The following GRM3 variants were observed in gnomAD, a reference collection of about 807,000 sequenced individuals.
The protein encoded by GRM3 is glutamate metabotropic receptor 3.
In GRM3, 26 loss-of-function variants were observed where a neutral mutation model predicts 70.5. The ratio of observed to expected loss-of-function variants is 0.37; its 90% CI spans 0.27 to 0.51. The LOEUF (loss-of-function observed/expected upper bound fraction) is 0.51, where lower values mean the gene tolerates loss of function less well. Ranked by LOEUF, GRM3 falls within the 20% of genes least tolerant of loss-of-function variation. The pLI is 0.93. For synonymous variants in GRM3, 443 were observed against 434.9 expected, an observed-to-expected ratio of 1.02 and a Z score of -0.23; for missense variants, 859 against 1,123.8, an observed-to-expected ratio of 0.76 and a Z score of 3.37.
chr7:86,689,999 G>C (rs1260936147), intron 1 of GRM3, among the ~76,000 whole-genome samples: 2 of 152,054 alleles, frequency 1.3e-5, no homozygotes, highest in African/African-American at 2.4e-5. Context: ...TGAGCAAAAG[G>C]CTGGAAATAA....
At chr7:86,805,939 C>T (rs573823021) in intron 3 of GRM3, among the ~76,000 whole-genome samples, 1 of 150,914 alleles carries the variant, frequency 6.6e-6, no homozygotes, top group East Asian at 2.0e-4. Context: ...TGATGTTCCC[C>T]ACCCTGTGTC....
chr7:86,803,085 G>C (rs946751577), intron 3 of GRM3, among the ~76,000 whole-genome samples: 4 of 150,334 alleles, frequency 2.7e-5, no homozygotes, highest in African/African-American at 1.0e-4. Context: ...CTTCAACCAT[G>C]ATTTCTCAAT....
intron 4 of GRM3, among the ~76,000 whole-genome samples, chr7:86,845,810 A>G (rs1426144301): frequency 1.3e-5 from 2 of 152,162 alleles, no homozygotes; most frequent in Admixed American, 1.3e-4. Flanking sequence ...TTGTGCACCT[A>G]AAAGACTAAA....
intron 4 of GRM3, among the ~76,000 whole-genome samples, chr7:86,847,489 A>G (rs921900831): frequency 6.6e-6 from 1 of 152,194 alleles, no homozygotes; most frequent in Non-Finnish European, 1.5e-5. Flanking sequence ...TAATTCTAGA[A>G]GCCCACAGTA....
chr7:86,674,561 C>A (rs1794254376), intron 1 of GRM3, among the ~76,000 whole-genome samples: 1 of 152,128 alleles, frequency 6.6e-6, no homozygotes, highest in Non-Finnish European at 1.5e-5. Flanking sequence ...AGCCACTATC[C>A]TTTACAACTT....
At chr7:86,659,297 CAAT>C (rs1205823225) in intron 1 of GRM3, among the ~76,000 whole-genome samples, 2 of 152,134 alleles carry the variant, frequency 1.3e-5, no homozygotes, top group Non-Finnish European at 2.9e-5. Context: ...TTGTGAATAA[CAAT>C]AATTTTTATT....
chr7:86,765,208 C>G lies in GRM3; in HGVS notation c.63C>G (p.Leu21=), dbSNP rs141753143. The change falls in exon 2 of 6, where the codon CTC becomes CTG. Residue 21 remains leucine (L), a synonymous_variant. Coordinates refer to ENST00000361669, the MANE Select transcript of GRM3 (RefSeq NM_000840.3). Reference sequence around the variant, plus strand: ...CTTTGTTTTCAAAGGGATTTTTACTCTCTTTAGGGGACCATAACTTTCTAA... The same window carrying G: ...CTTTGTTTTCAAAGGGATTTTTACTGTCTTTAGGGGACCATAACTTTCTAA... ...TLALFSKGFL[L]SLGDHNFLRR... 3.7e-4 allele frequency: 590 copies of G among 1,609,474 alleles called. No homozygotes were observed. Among genetic ancestry groups the G allele is most frequent in the Non-Finnish European group, 4.1e-4 (488 of 1,178,598 alleles).
At chr7:86,733,464 G>A (rs778834144) in intron 1 of GRM3, among the ~76,000 whole-genome samples, 5 of 152,078 alleles carry the variant, frequency 3.3e-5, no homozygotes, top group African/African-American at 7.2e-5. Flanking sequence ...AGGAGGACTG[G>A]GCATGAAGAT....
chr7:86,849,637 A>G (rs1436552327), intron 4 of GRM3, among the ~76,000 whole-genome samples: 2 of 152,060 alleles, frequency 1.3e-5, no homozygotes, highest in African/African-American at 4.8e-5. Context: ...ATCTAAAGTT[A>G]CTCTGGGATG....
chr7:86,830,165 A>G (rs1798322682), intron 3 of GRM3, among the ~76,000 whole-genome samples: 1 of 152,176 alleles, frequency 6.6e-6, no homozygotes, highest in Admixed American at 6.5e-5. Flanking sequence ...CTACCTATAG[A>G]GAACATACCA....
chr7:86,793,016 C>CTTTTT (rs140134217), intron 3 of GRM3, among the ~76,000 whole-genome samples: 14 of 94,358 alleles, frequency 1.5e-4, no homozygotes, highest in East Asian at 1.2e-3. Flanking sequence ...GGTTGGTTGC[C>CTTTTT]TTTTTTTTTT....
intron 5 of GRM3, 94 bp downstream of exon 5, chr7:86,850,638 A>G: frequency 1.2e-6 from 1 of 822,938 alleles, no homozygotes; most frequent in Non-Finnish European, 2.1e-6. Context: ...GTCCCCATGA[A>G]CAATCTCAAT....
chr7:86,729,532 T>C (rs564669730), intron 1 of GRM3, among the ~76,000 whole-genome samples: 1 of 152,336 alleles, frequency 6.6e-6, no homozygotes, highest in Admixed American at 6.5e-5. Flanking sequence ...TATTTCTAAA[T>C]TGTTAACTTT....
intron 1 of GRM3, among the ~76,000 whole-genome samples, chr7:86,698,137 C>G (rs531863310): frequency 1.3e-5 from 2 of 152,184 alleles, no homozygotes; most frequent in Admixed American, 6.6e-5. Context: ...TTTTCTATAG[C>G]AGCAAACATT....
intron 1 of GRM3, among the ~76,000 whole-genome samples, chr7:86,647,328 A>C (rs1490777788): frequency 6.6e-6 from 1 of 152,174 alleles, no homozygotes; most frequent in African/African-American, 2.4e-5. Flanking sequence ...AGGTTTTTCC[A>C]GGATACTAGC....
chr7:86,652,043 G>T (rs1036571185), intron 1 of GRM3, among the ~76,000 whole-genome samples: 2 of 152,254 alleles, frequency 1.3e-5, no homozygotes, highest in East Asian at 1.9e-4. Context: ...TAGGTAGAAT[G>T]AACAATTAAT....
At position 86,704,104 on chromosome 7, in the gene GRM3, C is replaced by T. The variant is rs752867198; in HGVS notation, c.-141+59232C>T. On this transcript the variant is annotated intron_variant, in intron 1 of 5. Coordinates refer to ENST00000361669, the MANE Select transcript of GRM3 (RefSeq NM_000840.3). Reference sequence around the variant, plus strand: ...CCTTAGTCTATTAATCCTGACCCTGCTAATATTTCACATGGCAGCCTCATT... The same window carrying T: ...CCTTAGTCTATTAATCCTGACCCTGTTAATATTTCACATGGCAGCCTCATT... Among the ~76,000 whole-genome samples the T allele has an allele frequency of 4.5e-4, 69 of 151,874 alleles. 1 individual carries two copies. Among genetic ancestry groups the T allele is most frequent in the Non-Finnish European group, 1.5e-4 (10 of 67,880 alleles).
At chr7:86,800,670 C>T (rs1166230184) in intron 3 of GRM3, among the ~76,000 whole-genome samples, 1 of 152,096 alleles carries the variant, frequency 6.6e-6, no homozygotes, top group African/African-American at 2.4e-5. Flanking sequence ...TAAAGAAAGA[C>T]TAGAACTAGA....
Position 86,786,386 on chromosome 7 carries a change from C to G in GRM3, c.594C>G (p.Ala198=). The change falls in exon 3 of 6, where the codon GCC becomes GCG. Residue 198 remains alanine (A), a synonymous_variant. Coordinates refer to ENST00000361669, the MANE Select transcript of GRM3 (RefSeq NM_000840.3). The surrounding 1 kb of genome is among the most constrained non-coding windows in gnomAD (Gnocchi z 6.0). ...ARTVPPDFYQ[A]KAMAEILRFF... ...CCGTGCCCCCCGACTTCTACCAGGC[C>G]AAAGCCATGGCTGAGATCTTGCGCT... 6.2e-7 allele frequency: 1 copy of G among 1,614,156 alleles called. No individual in the cohort carries two copies. The highest frequency in any genetic ancestry group is 8.5e-7 in the Non-Finnish European group (1 of 1,180,036).
Sources: gnomAD v4.1 joint callset for allele counts (sites outside exome capture counted in the v4.1 genomes callset) on GRCh38, gnomAD v4.1.1 for gene constraint, Gnocchi (gnomAD v3.1) non-coding constraint, MANE v1.5 for transcripts, NCBI Gene and HGNC (gene_info 2026-07-23, HGNC 2026-07-21) for gene names.